The following TMEM132C variants were observed in gnomAD, a reference collection of about 807,000 sequenced individuals.
The protein encoded by TMEM132C is protein phosphatase 1, regulatory subunit 152.
In TMEM132C, 29 loss-of-function variants were observed where a neutral mutation model predicts 61.4. The observed-to-expected ratio is 0.47, with a 90% CI of 0.35 to 0.64. The LOEUF is 0.64. Ranked by LOEUF, TMEM132C falls within the 30% of genes least tolerant of loss-of-function variation. TMEM132C has a pLI of 0.00. For missense variants in TMEM132C, 1,408 were observed against 1,476.9 expected, an observed-to-expected ratio of 0.95 and a Z score of 0.76; for synonymous variants, 656 against 633.1, an observed-to-expected ratio of 1.04 and a Z score of -0.54.
intron 5 of TMEM132C, among the ~76,000 whole-genome samples, chr12:128,692,704 C>T (rs1954729212): frequency 6.6e-6 from 1 of 152,202 alleles, no homozygotes; most frequent in Non-Finnish European, 1.5e-5. Flanking sequence ...TTGTTGTCCA[C>T]ATTGCCCCTT....
At chr12:128,356,830 G>A (rs997565109) in intron 1 of TMEM132C, among the ~76,000 whole-genome samples, 18 of 152,198 alleles carry the variant, frequency 1.2e-4, no homozygotes, top group African/African-American at 3.9e-4. Context: ...AGTTATGGGG[G>A]CAGGACTTTC....
At chr12:128,284,361 G>A (rs554942732) in intron 1 of TMEM132C, among the ~76,000 whole-genome samples, 7 of 152,188 alleles carry the variant, frequency 4.6e-5, no homozygotes, top group African/African-American at 1.7e-4. Flanking sequence ...GTAACCTCAG[G>A]AGATAAGCAC....
chr12:128,316,535 C>T (rs1565899176), intron 1 of TMEM132C, among the ~76,000 whole-genome samples: 2 of 152,164 alleles, frequency 1.3e-5, no homozygotes, highest in Non-Finnish European at 2.9e-5. Context: ...GGAAACCAGG[C>T]TTTGCAATAG....
At chr12:128,665,838 A>C (rs184130828) in intron 4 of TMEM132C, among the ~76,000 whole-genome samples, 81 of 40,100 alleles carry the variant, frequency 2.0e-3, no homozygotes, top group Non-Finnish European at 2.2e-3. Context: ...CACTCACACA[A>C]ACACAGGCAC....
At chr12:128,626,934 AC>A (rs1194544315) in intron 4 of TMEM132C, among the ~76,000 whole-genome samples, 1 of 152,000 alleles carries the variant, frequency 6.6e-6, no homozygotes, top group Non-Finnish European at 1.5e-5. Context: ...CCCCACTGCC[AC>A]CCCAGCCTGC....
intron 2 of TMEM132C, among the ~76,000 whole-genome samples, chr12:128,530,603 C>A (rs544462003): frequency 2.6e-5 from 4 of 152,286 alleles, no homozygotes; most frequent in East Asian, 3.9e-4. Flanking sequence ...GCCACCACGC[C>A]CATCTAATTT....
intron 3 of TMEM132C, among the ~76,000 whole-genome samples, chr12:128,597,504 G>A (rs143959166): frequency 1.7e-3 from 28 of 16,244 alleles, no homozygotes; most frequent in Non-Finnish European, 0.011. Context: ...AAAGAAGGAA[G>A]GAAGGAAGGA....
At chr12:128,543,550 A>G (rs1873837400) in intron 2 of TMEM132C, among the ~76,000 whole-genome samples, 1 of 152,060 alleles carries the variant, frequency 6.6e-6, no homozygotes, top group Non-Finnish European at 1.5e-5. Context: ...CCTACTGGAT[A>G]ACAACACCCC....
chr12:128,670,647 AC>A (rs746749322), intron 5 of TMEM132C, among the ~76,000 whole-genome samples: 4 of 152,202 alleles, frequency 2.6e-5, no homozygotes, highest in Non-Finnish European at 4.4e-5. Flanking sequence ...TTGTGTTTAT[AC>A]ACCACATTCT....
At chr12:128,292,061 G>A (rs1871262980) in intron 1 of TMEM132C, among the ~76,000 whole-genome samples, 1 of 152,122 alleles carries the variant, frequency 6.6e-6, no homozygotes, top group Non-Finnish European at 1.5e-5. Context: ...TGGTATCTAG[G>A]TGTCTCACCA....
chr12:128,367,418 C>T (rs561630575), intron 1 of TMEM132C, among the ~76,000 whole-genome samples: 1 of 152,286 alleles, frequency 6.6e-6, no homozygotes, highest in African/African-American at 2.4e-5. Flanking sequence ...GTGTTTTTGG[C>T]AGCTTCACCT....
At chr12:128,337,599 G>T (rs1448590447) in intron 1 of TMEM132C, among the ~76,000 whole-genome samples, 1 of 152,172 alleles carries the variant, frequency 6.6e-6, no homozygotes, top group Non-Finnish European at 1.5e-5. Context: ...CCTCCAAACT[G>T]CCCAGGACCA....
intron 2 of TMEM132C, among the ~76,000 whole-genome samples, chr12:128,431,658 G>A (rs1055052393): frequency 6.1e-5 from 9 of 148,156 alleles, no homozygotes; most frequent in Non-Finnish European, 8.9e-5. Flanking sequence ...GGGTTCAAGC[G>A]ATTCTCCTAC....
At chr12:128,338,731 C>G (rs147088357) in intron 1 of TMEM132C, among the ~76,000 whole-genome samples, 51 of 142,420 alleles carry the variant, frequency 3.6e-4, no homozygotes, top group African/African-American at 1.5e-3. Flanking sequence ...AGATCCTGGG[C>G]TCCTTTCTTG....
chr12:128,466,680 T>C (rs1870747562), intron 2 of TMEM132C, among the ~76,000 whole-genome samples: 1 of 152,178 alleles, frequency 6.6e-6, no homozygotes, highest in African/African-American at 2.4e-5. Flanking sequence ...CATGCCTGGC[T>C]AATTTTTGTT....
chr12:128,641,284 C>T (rs2135599780), intron 4 of TMEM132C, among the ~76,000 whole-genome samples: 1 of 152,310 alleles, frequency 6.6e-6, no homozygotes, highest in Non-Finnish European at 1.5e-5. Flanking sequence ...CAACTGCAGA[C>T]ATGTCCCCCC....
chr12:128,536,541 A>AGAGAG (rs1307088361), intron 2 of TMEM132C, among the ~76,000 whole-genome samples: 4 of 149,886 alleles, frequency 2.7e-5, no homozygotes, highest in Admixed American at 2.0e-4. Context: ...AAAAAAAAAG[A>AGAGAG]GAAGGTGGCT....
At chr12:128,440,487 C>A (rs771846658) in intron 2 of TMEM132C, among the ~76,000 whole-genome samples, 29 of 152,184 alleles carry the variant, frequency 1.9e-4, no homozygotes, top group Admixed American at 9.8e-4. Flanking sequence ...CTGCCACGGC[C>A]CCTGAATGAG....
Position 128,444,477 on chromosome 12 carries a change from T to C in TMEM132C, c.974+28857T>C, listed in dbSNP as rs1017853026. Among the ~76,000 whole-genome samples the C allele has an allele frequency of 5.3e-5, 8 of 152,324 alleles. No homozygotes were observed. In the East Asian group the frequency reaches 1.5e-3, roughly 29 times the overall value. Reference sequence around the variant, plus strand: ...CTTTTTGTAAAGATGCCCTTGATGTTTGCAGGCAGGGAGGGAGCAGACTGG... The same window carrying C: ...CTTTTTGTAAAGATGCCCTTGATGTCTGCAGGCAGGGAGGGAGCAGACTGG... On this transcript the variant is annotated intron_variant, in intron 2 of 8. Coordinates refer to ENST00000435159, the MANE Select transcript of TMEM132C (RefSeq NM_001136103.3).
Sources: gnomAD v4.1 joint callset for allele counts (sites outside exome capture counted in the v4.1 genomes callset) on GRCh38, gnomAD v4.1.1 for gene constraint, MANE v1.5 for transcripts, NCBI Gene and HGNC (gene_info 2026-07-23, HGNC 2026-07-21) for gene names.